The following APBB1IP variants were observed in gnomAD, a reference collection of about 807,000 sequenced individuals.
APBB1IP encodes the protein amyloid beta precursor protein binding family B member 1 interacting protein, also known as amyloid beta A4 precursor protein-binding family B member 1-interacting protein.
APBB1IP carries 27 observed loss-of-function variants against 64.9 expected under a neutral mutation model. That is an observed-to-expected ratio of 0.42 (90% CI 0.31 to 0.57). The LOEUF (loss-of-function observed/expected upper bound fraction) is 0.57, where lower values mean the gene tolerates loss of function less well. APBB1IP is among the 20% of genes least tolerant of loss of function. The pLI, the probability that APBB1IP is intolerant of heterozygous loss-of-function variation, is 0.20. For missense variants in APBB1IP, 812 were observed against 845.5 expected (o/e 0.96, Z 0.49); for synonymous variants, 392 against 331.0 (o/e 1.18, Z -2.00).
intron 14 of APBB1IP, among the ~76,000 whole-genome samples, chr10:26,563,949 G>A (rs570696441): frequency 6.3e-4 from 96 of 151,644 alleles, no homozygotes; most frequent in African/African-American, 2.2e-3. Flanking sequence ...ATTTAAAAAT[G>A]CTGAAAGAAA....
In APBB1IP at chr10:26,549,832, T is replaced by C. The variant is rs189589334; in HGVS notation, c.1155+8140T>C. ...TTCTTTTTCAAATGAATGAAATTAATCTCTATTTCATTTATTTGTGCTCTG... is the reference window on the plus strand; with the variant it reads ...TTCTTTTTCAAATGAATGAAATTAACCTCTATTTCATTTATTTGTGCTCTG... On this transcript the variant is annotated intron_variant, in intron 11 of 14. Coordinates refer to ENST00000376236, the MANE Select transcript of APBB1IP (RefSeq NM_019043.4). 2.8e-3 allele frequency among the ~76,000 whole-genome samples: 421 copies of C among 152,180 alleles called. 3 individuals carry two copies. Among genetic ancestry groups the C allele is most frequent in the Non-Finnish European group, 3.2e-3 (220 of 67,966 alleles).
At chr10:26,562,185 T>C in intron 13 of APBB1IP, 141 bp from the exon 14 acceptor site, 1 of 656,066 alleles carries the variant, frequency 1.5e-6, no homozygotes, top group Non-Finnish European at 2.7e-6. Context: ...TTTGTTTTTA[T>C]TTTTGTTTTT....
At chr10:26,477,016 G>C (rs1835784436) in intron 2 of APBB1IP, among the ~76,000 whole-genome samples, 1 of 152,138 alleles carries the variant, frequency 6.6e-6, no homozygotes, top group South Asian at 2.1e-4. Flanking sequence ...GGCCAGGCTG[G>C]TCTCGAACTC....
intron 10 of APBB1IP, among the ~76,000 whole-genome samples, chr10:26,537,167 C>CT (rs11393856): frequency 0.23 from 35,676 of 152,100 alleles, 4,912 homozygotes; most frequent in Middle Eastern, 0.31. Context: ...ACCTTTCCGT[C>CT]TTTTGTTCAC....
chr10:26,438,932 A>G (rs1475554664), intron 2 of APBB1IP, 79 bp downstream of exon 2: 1 of 152,160 alleles, frequency 6.6e-6, no homozygotes, highest in Non-Finnish European at 1.5e-5. Flanking sequence ...CCGTTTGTCA[A>G]GCCCGTCGGG....
At chr10:26,439,088 G>A (rs1245076589) in intron 2 of APBB1IP, among the ~76,000 whole-genome samples, 1 of 152,208 alleles carries the variant, frequency 6.6e-6, no homozygotes, top group Non-Finnish European at 1.5e-5. Flanking sequence ...AGGGTTTGGG[G>A]TTCGGGTTTG....
chr10:26,461,795 C>G (rs932659322), intron 2 of APBB1IP, among the ~76,000 whole-genome samples: 1 of 151,808 alleles, frequency 6.6e-6, no homozygotes, highest in African/African-American at 2.4e-5. Flanking sequence ...TGACAAATTG[C>G]TTATTATTTA....
chr10:26,528,333 C>G (rs985096459), intron 8 of APBB1IP, among the ~76,000 whole-genome samples: 1 of 152,188 alleles, frequency 6.6e-6, no homozygotes, highest in African/African-American at 2.4e-5. Context: ...ACTAGTGCTC[C>G]AAAGACACCT....
At chr10:26,522,424 A>G (rs1836414205) in intron 8 of APBB1IP, among the ~76,000 whole-genome samples, 2 of 152,208 alleles carry the variant, frequency 1.3e-5, no homozygotes, top group Non-Finnish European at 2.9e-5. Flanking sequence ...TTGGTGATGT[A>G]CAGTAAGCTT....
intron 14 of APBB1IP, among the ~76,000 whole-genome samples, chr10:26,563,996 G>A (rs1837006870): frequency 6.7e-6 from 1 of 150,288 alleles, no homozygotes; most frequent in South Asian, 2.2e-4. Flanking sequence ...TTAACTATAT[G>A]TGAACACCAA....
chr10:26,479,873 C>G (rs1243463350), intron 2 of APBB1IP, among the ~76,000 whole-genome samples: 1 of 152,184 alleles, frequency 6.6e-6, no homozygotes, highest in Non-Finnish European at 1.5e-5. Context: ...GTAATGCCTC[C>G]TCTGTAACTT....
chr10:26,525,714 A>C (rs1836466144), intron 8 of APBB1IP, among the ~76,000 whole-genome samples: 1 of 152,244 alleles, frequency 6.6e-6, no homozygotes, highest in Admixed American at 6.5e-5. Flanking sequence ...CCAACAACAA[A>C]AAAAGCACAG....
intron 3 of APBB1IP, among the ~76,000 whole-genome samples, chr10:26,495,755 A>C (rs1307071827): frequency 6.6e-6 from 1 of 151,266 alleles, no homozygotes; most frequent in Non-Finnish European, 1.5e-5. Flanking sequence ...AGCCCTGCCA[A>C]CAGGTAGGTT....
chr10:26,456,708 C>T (rs1301734865), intron 2 of APBB1IP, among the ~76,000 whole-genome samples: 2 of 126,682 alleles, frequency 1.6e-5, no homozygotes, highest in Non-Finnish European at 3.1e-5. Flanking sequence ...CACCGCACTC[C>T]AGCCTGGGTG....
intron 2 of APBB1IP, among the ~76,000 whole-genome samples, chr10:26,469,847 T>G (rs192470945): frequency 1.3e-4 from 20 of 152,352 alleles, no homozygotes; most frequent in Non-Finnish European, 2.4e-4. Context: ...CTCGTACTTA[T>G]AAGTGAGAAC....
At chr10:26,532,997 G>A (rs541128835) in intron 8 of APBB1IP, among the ~76,000 whole-genome samples, 38 of 152,228 alleles carry the variant, frequency 2.5e-4, no homozygotes, top group South Asian at 6.2e-4. Context: ...CCAGAATCCC[G>A]CCAGCCTACA....
intron 8 of APBB1IP, among the ~76,000 whole-genome samples, chr10:26,515,424 C>T (rs994271319): frequency 3.9e-5 from 6 of 152,062 alleles, no homozygotes; most frequent in Non-Finnish European, 8.8e-5. Context: ...AGGGAAGAGC[C>T]GGGGAAATGC....
In APBB1IP at chr10:26,560,131, G is replaced by A; in HGVS notation, c.1182G>A (p.Gln394=). The change falls in exon 12 of 15, where the codon CAG becomes CAA. Residue 394 remains glutamine, a synonymous_variant. Coordinates refer to ENST00000376236, the MANE Select transcript of APBB1IP (RefSeq NM_019043.4). ...ACCCCCAAATTCAGAAGGAGTCCCA[G>A]TATATCAAGTATCTCTGCTGTGATG... The part of the protein sequence containing the change: ...LKHPQIQKES[Q]YIKYLCCDDT... The A allele has an allele frequency of 6.2e-7, 1 of 1,614,132 alleles. No individual in the cohort carries two copies.
At chr10:26,463,244 C>A (rs1835613444) in intron 2 of APBB1IP, among the ~76,000 whole-genome samples, 1 of 152,010 alleles carries the variant, frequency 6.6e-6, no homozygotes, top group Admixed American at 6.6e-5. Flanking sequence ...TCAAGACTAG[C>A]CTGGGCAAGA....
Sources: gnomAD v4.1 joint callset for allele counts (sites outside exome capture counted in the v4.1 genomes callset) on GRCh38, gnomAD v4.1.1 for gene constraint, MANE v1.5 for transcripts, NCBI Gene and HGNC (gene_info 2026-07-23, HGNC 2026-07-21) for gene names.